The following OSBPL10 variants were observed in gnomAD, a reference collection of about 807,000 sequenced individuals.
The protein encoded by OSBPL10 is oxysterol-binding protein-related protein 10.
Under a neutral mutation model 81.7 loss-of-function variants are expected in OSBPL10, and 49 were observed. The observed-to-expected ratio is 0.60, with a 90% confidence interval of 0.48 to 0.76. The LOEUF (loss-of-function observed/expected upper bound fraction) is 0.76. Among genes scored for constraint, OSBPL10 ranks in the 30% least tolerant of loss-of-function variants. The probability of loss-of-function intolerance (pLI) is 0.00; values close to 1 mark genes in which losing one functional copy is unlikely to be tolerated. For synonymous variants in OSBPL10, 419 were observed against 383.6 expected (o/e 1.09, Z -1.08); for missense variants, 923 against 987.8 (o/e 0.93, Z 0.88).
At position 31,727,467 on chromosome 3, in the gene OSBPL10, G is replaced by C. The variant is rs377484728; in HGVS notation, c.1095+5790C>G. Among the ~76,000 whole-genome samples, 188 of 152,068 alleles carry C rather than the reference G, an allele frequency of 1.2e-3. 1 individual carries two copies. Among genetic ancestry groups the C allele is most frequent in the African/African-American group, 4.3e-3 (180 of 41,502 alleles). ...GTTTGATGATGAGAGATGAGGAATGGAGTGGGGAAGGATAATCCTATCACC... is the reference window on the plus strand; with the variant it reads ...GTTTGATGATGAGAGATGAGGAATGCAGTGGGGAAGGATAATCCTATCACC... On this transcript the variant is annotated intron_variant, in intron 6 of 11. Coordinates refer to ENST00000396556, the MANE Select transcript of OSBPL10 (RefSeq NM_017784.5).
chr3:31,903,134 T>C (rs1575607404), intron 1 of OSBPL10, among the ~76,000 whole-genome samples: 2 of 152,268 alleles, frequency 1.3e-5, no homozygotes, highest in South Asian at 2.1e-4. Context: ...TCAAAAGATA[T>C]ACTAAGCACT....
At chr3:31,705,447 CTCTG>C (rs1396376555) in intron 6 of OSBPL10, among the ~76,000 whole-genome samples, 1 of 148,842 alleles carries the variant, frequency 6.7e-6, no homozygotes, top group African/African-American at 2.5e-5. Context: ...AGCAGGTCAA[CTCTG>C]TCTGAAAGAG....
rs111782805 is a variant in OSBPL10, at chr3:31,829,373, A to G, written c.729+667T>C. ...AAACTGATGACTTCTCAGTGCATCA[A>G]AAGCGAAATTTAAACATAACCTCGC... On this transcript the variant is annotated intron_variant, in intron 4 of 11. Coordinates refer to ENST00000396556, the MANE Select transcript of OSBPL10 (RefSeq NM_017784.5). Among the ~76,000 whole-genome samples the G allele has an allele frequency of 3.3e-3, 501 of 152,374 alleles. 4 individuals are homozygous for G. The highest frequency in any genetic ancestry group is 0.024 in the South Asian group (115 of 4,826).
At chr3:31,896,186 G>T (rs1053866413) in intron 1 of OSBPL10, among the ~76,000 whole-genome samples, 1 of 152,114 alleles carries the variant, frequency 6.6e-6, no homozygotes, top group Admixed American at 6.5e-5. Flanking sequence ...AGAAATTCAC[G>T]TGTTGCCATC....
chr3:31,856,055 ATTTATG>A (rs1158025072), intron 3 of OSBPL10, among the ~76,000 whole-genome samples: 3 of 143,944 alleles, frequency 2.1e-5, no homozygotes, highest in South Asian at 2.2e-4. Context: ...TGTTATATAC[ATTTATG>A]TTTATATTAC....
At chr3:32,048,895 G>A (rs758424412) in intron 1 of OSBPL10, among the ~76,000 whole-genome samples, 5 of 152,152 alleles carry the variant, frequency 3.3e-5, no homozygotes, top group Non-Finnish European at 7.3e-5. Context: ...AAAACAACAT[G>A]GCAATGAAAG....
At chr3:31,884,919 A>C (rs1695688137) in intron 1 of OSBPL10, among the ~76,000 whole-genome samples, 1 of 152,184 alleles carries the variant, frequency 6.6e-6, no homozygotes, top group South Asian at 2.1e-4. Flanking sequence ...AGAGGAAAAA[A>C]AAATCAAAGC....
intron 2 of OSBPL10, among the ~76,000 whole-genome samples, chr3:32,031,028 C>T (rs551982885): frequency 2.0e-5 from 3 of 151,856 alleles, no homozygotes; most frequent in African/African-American, 4.8e-5. Context: ...ATTAGCCTGG[C>T]GTTGTGGCAG....
intron 2 of OSBPL10, among the ~76,000 whole-genome samples, chr3:32,007,122 T>A (rs1001384871): frequency 1.6e-4 from 24 of 152,182 alleles, no homozygotes; most frequent in African/African-American, 5.8e-4. Flanking sequence ...CATATAGTAC[T>A]TGGAATCCAT....
chr3:31,754,450 T>A (rs991675419), intron 4 of OSBPL10, among the ~76,000 whole-genome samples: 1 of 151,604 alleles, frequency 6.6e-6, no homozygotes, highest in African/African-American at 2.4e-5. Flanking sequence ...GCTAAACAGA[T>A]GACAATGTTA....
In OSBPL10 at chr3:31,744,509, C is replaced by T. The variant is rs145627765; in HGVS notation, c.940+3401G>A. On this transcript the variant is annotated intron_variant, in intron 5 of 11. Coordinates refer to ENST00000396556, the MANE Select transcript of OSBPL10 (RefSeq NM_017784.5). Reference sequence around the variant, plus strand: ...GCCGAGATCGCGTCACTGCACTCCACCCTGGGTGATAGAGCGAGACTCCGT... The same window carrying T: ...GCCGAGATCGCGTCACTGCACTCCATCCTGGGTGATAGAGCGAGACTCCGT... 8.8e-3 allele frequency among the ~76,000 whole-genome samples: 1,161 copies of T among 131,958 alleles called. 11 individuals carry two copies. The highest frequency in any genetic ancestry group is 0.032 in the African/African-American group (1,121 of 35,494). The allele number at this position is 131,958 out of a possible 152,430, so 86.6% of individuals were successfully genotyped here.
intron 2 of OSBPL10, among the ~76,000 whole-genome samples, chr3:31,877,160 C>G (rs1376220652): frequency 6.6e-6 from 1 of 152,182 alleles, no homozygotes; most frequent in Non-Finnish European, 1.5e-5. Context: ...CCGCCTTGGT[C>G]TACCAAAGTG....
intron 1 of OSBPL10, among the ~76,000 whole-genome samples, chr3:32,058,491 C>T (rs150628138): frequency 0.02 from 3,003 of 152,168 alleles, 54 homozygotes; most frequent in Non-Finnish European, 0.032. Context: ...CCACACCTGG[C>T]TAATTTTGTA....
chr3:31,732,628 C>A (rs1174460936), intron 6 of OSBPL10: 1 of 152,366 alleles, frequency 6.6e-6, no homozygotes, highest in Admixed American at 6.5e-5. Context: ...TCCCCTCCAG[C>A]GGCCACTTAG....
rs150251297 is a variant in OSBPL10, at chr3:31,742,823, G to A, written c.940+5087C>T. ...CCCACCTAAAGCCCAGGCTCCCAAAGAGCACAACCTTTTCCAGTTTTGAGC... is the reference window on the plus strand; with the variant it reads ...CCCACCTAAAGCCCAGGCTCCCAAAAAGCACAACCTTTTCCAGTTTTGAGC... On this transcript the variant is annotated intron_variant, in intron 5 of 11. Coordinates refer to ENST00000396556, the MANE Select transcript of OSBPL10 (RefSeq NM_017784.5). Among the ~76,000 whole-genome samples the A allele has an allele frequency of 1.9e-3, 283 of 152,124 alleles. 3 individuals are homozygous for A. The highest frequency in any genetic ancestry group is 6.5e-3 in the African/African-American group (270 of 41,514).
chr3:31,895,762 C>G (rs1696035921), intron 1 of OSBPL10, among the ~76,000 whole-genome samples: 1 of 152,162 alleles, frequency 6.6e-6, no homozygotes, highest in African/African-American at 2.4e-5. Flanking sequence ...GTGTTCCTGC[C>G]TTCAAGAAAC....
At chr3:32,060,036 G>T (rs1402344281) in intron 1 of OSBPL10, among the ~76,000 whole-genome samples, 3 of 152,050 alleles carry the variant, frequency 2.0e-5, no homozygotes, top group Non-Finnish European at 4.4e-5. Context: ...GATCTGGTTG[G>T]TGGTTACACA....
rs1255924607 is a variant in OSBPL10 at position 31,683,644 on chromosome 3, CAT to C, written c.1714_1715del (p.Met572AspfsTer21). ...KFMGMSVGVS[M>X]IGEGVLRLLE... ...TACGACATGGCTTACCTTCCCCTAT[CAT>C]AGAGACCCCCACGGACATGCCCATG... On this transcript the variant is annotated frameshift_variant, in exon 8 of 12. Coordinates refer to ENST00000396556, the MANE Select transcript of OSBPL10 (RefSeq NM_017784.5). LOFTEE classifies it high-confidence loss of function. The C allele has an allele frequency of 6.2e-7, 1 of 1,610,778 alleles. No individual in the cohort carries two copies. The highest frequency in any genetic ancestry group is 8.5e-7 in the Non-Finnish European group (1 of 1,177,354).
chr3:31,831,357 G>C (rs773364991), intron 3 of OSBPL10, among the ~76,000 whole-genome samples: 23 of 151,080 alleles, frequency 1.5e-4, no homozygotes, highest in Non-Finnish European at 7.4e-5. Context: ...AGTGAGCCGA[G>C]ATCGTGCCAT....
Sources: allele counts gnomAD v4.1 joint callset (sites outside exome capture counted in the v4.1 genomes callset), GRCh38; gene constraint gnomAD v4.1.1; transcripts MANE v1.5; gene names NCBI Gene and HGNC (gene_info 2026-07-23, HGNC 2026-07-21).